SCNN1A: variants seen among roughly 807,000 people sequenced by gnomAD.
SCNN1A encodes epithelial sodium channel subunit alpha.
Under a neutral mutation model 68.6 loss-of-function variants are expected in SCNN1A, and 65 were observed. That is an observed-to-expected ratio of 0.95 (90% CI 0.78 to 1.16). SCNN1A has a LOEUF of 1.16. Ranked by LOEUF, SCNN1A falls within the 50% of genes most tolerant of loss-of-function variation. The pLI is 0.00. For synonymous variants in SCNN1A, 357 were observed against 353.3 expected (o/e 1.01, Z -0.12); for missense variants, 880 against 865.9 (o/e 1.02, Z -0.20).
chr12:6,353,767 T>C (rs1592065005), intron 8 of SCNN1A: 1 of 126,812 alleles, frequency 7.9e-6, no homozygotes, highest in African/African-American at 3.5e-5. Flanking sequence ...TTTTTTGTAT[T>C]TTTAGTAGAG....
intron 2 of SCNN1A, among the ~76,000 whole-genome samples, chr12:6,366,143 C>T (rs1318441791): frequency 6.6e-6 from 1 of 152,066 alleles, no homozygotes; most frequent in South Asian, 2.1e-4. Flanking sequence ...CGTGAGCCAC[C>T]ACGCCCAGCC....
chr12:6,363,744 G>A, intron 2 of SCNN1A, 34 bp from the exon 3 acceptor site: 1 of 1,552,670 alleles, frequency 6.4e-7, no homozygotes, highest in Non-Finnish European at 8.7e-7. Context: ...TCAGGCCAGG[G>A]GCCCTGGAGC....
At position 6,349,408 on chromosome 12, in the gene SCNN1A, G is replaced by T; in HGVS notation, c.1361-3C>A. The T allele has an allele frequency of 6.3e-7, 1 of 1,577,968 alleles. No individual in the cohort carries two copies. The highest frequency in any genetic ancestry group is 8.6e-7 in the Non-Finnish European group (1 of 1,160,390). On this transcript the variant is annotated splice_region_variant and splice_polypyrimidine_tract_variant and intron_variant, in intron 8 of 12. Coordinates refer to ENST00000228916, the MANE Select transcript of SCNN1A (RefSeq NM_001038.6). ...CTGGAGCTTATAGTAGCAGTACCCT[G>T]TGGGTACAGAGAGATGCCTGTTCTC...
intron 8 of SCNN1A, chr12:6,353,807 T>G (rs928891347): frequency 7.2e-6 from 1 of 138,926 alleles, no homozygotes; most frequent in Non-Finnish European, 1.5e-5. Flanking sequence ...GCCAGGATGG[T>G]CTCCATCTCC....
Position 6,347,321 on chromosome 12 carries a change from C to A in SCNN1A, c.*552G>T, listed in dbSNP as rs1277865236. 1.2e-5 allele frequency: 2 copies of A among 165,850 alleles called. No individual in the cohort carries two copies. The highest frequency in any genetic ancestry group is 2.7e-5 in the Non-Finnish European group (2 of 75,304). The allele number at this position is 165,850 out of a possible 1,614,324, so 10.3% of individuals were successfully genotyped here. On this transcript the variant is annotated 3_prime_UTR_variant, in exon 13 of 13. Coordinates refer to ENST00000228916, the MANE Select transcript of SCNN1A (RefSeq NM_001038.6). Reference sequence around the variant, plus strand: ...CTTTACTTACCCGGGTCTGCTCTAGCCCTAGCCCTCGGGAGTCAGGGAAGG... The same window carrying A: ...CTTTACTTACCCGGGTCTGCTCTAGACCTAGCCCTCGGGAGTCAGGGAAGG...
rs562862607 is a variant in SCNN1A, at chr12:6,368,736, G to A, written c.417-5026C>T. Among the ~76,000 whole-genome samples, 5 of 152,274 alleles carry A rather than the reference G, an allele frequency of 3.3e-5. No individual in the cohort carries two copies. The South Asian group carries it at 1.0e-3, about 32-fold the overall frequency. ...CTGCTACCTCTGGCTATTTTAGGAGGGCCACATGGTGCCCCAGAAAGAGCA... is the reference window on the plus strand; with the variant it reads ...CTGCTACCTCTGGCTATTTTAGGAGAGCCACATGGTGCCCCAGAAAGAGCA... On this transcript the variant is annotated intron_variant, in intron 2 of 12. Coordinates refer to ENST00000228916, the MANE Select transcript of SCNN1A (RefSeq NM_001038.6).
In SCNN1A at chr12:6,355,300, C is replaced by T. The variant is rs1948476155; in HGVS notation, c.1115G>A (p.Gly372Asp). ...CCTCATGCTGATGGAGGTCTCCACG[C>T]CAGGCCGCAAGTTAAAGCCACCATC... Reference protein sequence around the residue: ...MDDGGFNLRPGVETSISMRKE... With the variant: ...MDDGGFNLRPDVETSISMRKE... Residue 372 changes from glycine (G) to aspartate (D), a missense_variant, in exon 6 of 13, where the codon GGC becomes GAC. Gly to Asp is a moderately conservative substitution (Grantham distance 94). Coordinates refer to ENST00000228916, the MANE Select transcript of SCNN1A (RefSeq NM_001038.6). 6.2e-7 allele frequency: 1 copy of T among 1,613,586 alleles called. No homozygotes were observed. The highest frequency in any genetic ancestry group is 8.5e-7 in the Non-Finnish European group (1 of 1,179,770).
chr12:6,354,660 T>C, intron 7 of SCNN1A, 90 bp downstream of exon 7: 2 of 1,420,558 alleles, frequency 1.4e-6, no homozygotes, highest in East Asian at 2.3e-5. Context: ...TTTCCCTCTC[T>C]CTCTCTCACA....
chr12:6,374,636 C>T lies in SCNN1A; in HGVS notation c.148G>A (p.Glu50Lys), dbSNP rs779740460. The T allele has an allele frequency of 1.9e-6, 3 of 1,613,422 alleles. No individual in the cohort carries two copies. The highest frequency in any genetic ancestry group is 1.1e-5 in the South Asian group (1 of 91,068). ...AGCTCTCGGTAGGAGCGGTGGAACTCGATCAGGGCCTCCTCCTCCGCCGTG... is the reference window on the plus strand; with the variant it reads ...AGCTCTCGGTAGGAGCGGTGGAACTTGATCAGGGCCTCCTCCTCCGCCGTG... ...QPTAEEEALI[E>K]FHRSYRELFE... Residue 50 changes from glutamate (E) to lysine (K), a missense_variant, in exon 2 of 13, where the codon GAG becomes AAG. Coordinates refer to ENST00000228916, the MANE Select transcript of SCNN1A (RefSeq NM_001038.6). This position sits in a 1 kb window ranked among gnomAD's most constrained non-coding sequence, Gnocchi z 6.2.
intron 2 of SCNN1A, among the ~76,000 whole-genome samples, chr12:6,371,688 A>T (rs1463188204): frequency 6.6e-6 from 1 of 152,164 alleles, no homozygotes; most frequent in Non-Finnish European, 1.5e-5. Context: ...AATAAGAGTC[A>T]TCATGAGACC....
intron 4 of SCNN1A, among the ~76,000 whole-genome samples, chr12:6,360,074 T>A (rs1948558516): frequency 6.6e-6 from 1 of 152,142 alleles, no homozygotes; most frequent in South Asian, 2.1e-4. Context: ...CCCGGTGAGA[T>A]ATTCCTTTAT....
At chr12:6,350,820 G>A (rs1278621982) in intron 8 of SCNN1A, among the ~76,000 whole-genome samples, 1 of 151,876 alleles carries the variant, frequency 6.6e-6, no homozygotes, top group Non-Finnish European at 1.5e-5. Context: ...CTGGGCAACA[G>A]AGTGAGAGTC....
At chr12:6,366,690 C>G (rs1258725086) in intron 2 of SCNN1A, among the ~76,000 whole-genome samples, 2 of 151,978 alleles carry the variant, frequency 1.3e-5, no homozygotes, top group African/African-American at 4.8e-5. Context: ...ATCCCAGCTA[C>G]TCGGGAGGCT....
At chr12:6,350,533 T>A (rs1359562009) in intron 8 of SCNN1A, among the ~76,000 whole-genome samples, 1 of 151,400 alleles carries the variant, frequency 6.6e-6, no homozygotes, top group African/African-American at 2.4e-5. Flanking sequence ...TTAAGATGTG[T>A]GTTATTTAAA....
intron 2 of SCNN1A, among the ~76,000 whole-genome samples, chr12:6,364,571 C>T (rs1948642936): frequency 6.6e-6 from 1 of 151,756 alleles, no homozygotes; most frequent in South Asian, 2.1e-4. Context: ...CTGGCTAACA[C>T]GGTGAAACCC....
chr12:6,370,740 C>G (rs930199603), intron 2 of SCNN1A, among the ~76,000 whole-genome samples: 1 of 152,218 alleles, frequency 6.6e-6, no homozygotes, highest in Non-Finnish European at 1.5e-5. Context: ...TAGCTCAGGG[C>G]TTTCCCATCC....
At chr12:6,376,170 C>A (rs962174716), upstream of SCNN1A, 1 of 985,802 alleles carries the variant, frequency 1.0e-6, no homozygotes. Context: ...GTCTCCTCCC[C>A]GCTCACTAAG....
chr12:6,348,705 G>A, intron 12 of SCNN1A, 22 bp downstream of exon 12: 1 of 1,598,934 alleles, frequency 6.3e-7, no homozygotes, highest in East Asian at 2.2e-5. Flanking sequence ...AGCATCACAG[G>A]CTCCATCCAG....
In SCNN1A at chr12:6,375,522, C is replaced by G. The variant is rs1948889276; in HGVS notation, c.-72G>C. 6.5e-7 allele frequency: 1 copy of G among 1,535,422 alleles called. No homozygotes were observed. Among genetic ancestry groups the G allele is most frequent in the Middle Eastern group, 1.7e-4 (1 of 5,986 alleles). ...CCCCTCACCTGACAGGTGCAGCGGC[C>G]TGGCTGGGGAGCCCGCCCGCTGGCC... On this transcript the variant is annotated 5_prime_UTR_variant, in exon 1 of 13. Coordinates refer to ENST00000228916, the MANE Select transcript of SCNN1A (RefSeq NM_001038.6).
Sources: gnomAD v4.1 joint callset for allele counts (sites outside exome capture counted in the v4.1 genomes callset) on GRCh38, gnomAD v4.1.1 for gene constraint, Gnocchi (gnomAD v3.1) non-coding constraint, MANE v1.5 for transcripts, NCBI Gene and HGNC (gene_info 2026-07-23, HGNC 2026-07-21) for gene names.